The following KCNN2 variants were observed in gnomAD, a reference collection of about 807,000 sequenced individuals.
The protein encoded by KCNN2 is potassium calcium-activated channel subfamily N member 2, also known as small conductance calcium-activated potassium channel protein 2.
Under a neutral mutation model 55.5 loss-of-function variants are expected in KCNN2, and 24 were observed. The ratio of observed to expected loss-of-function variants is 0.43; its 90% CI spans 0.31 to 0.61. KCNN2 has a LOEUF of 0.61. KCNN2 is among the 20% of genes least tolerant of loss of function. KCNN2 has a pLI of 0.08. For missense variants in KCNN2, 754 were observed against 853.6 expected (o/e 0.88, Z 1.45); for synonymous variants, 431 against 336.1 (o/e 1.28, Z -3.09).
chr5:114,075,824 ATGT>A (rs1750675433), intron 1 of KCNN2, among the ~76,000 whole-genome samples: 1 of 152,114 alleles, frequency 6.6e-6, no homozygotes, highest in South Asian at 2.1e-4. Context: ...TGCTACTTCT[ATGT>A]TGAGAAGCCT....
intron 3 of KCNN2, among the ~76,000 whole-genome samples, chr5:114,407,189 A>G (rs934919620): frequency 6.6e-6 from 1 of 151,866 alleles, no homozygotes; most frequent in Admixed American, 6.6e-5. Context: ...ATGTCCTTCA[A>G]TTTTTGGAGA....
chr5:114,216,285 A>G (rs1232281489), intron 1 of KCNN2, among the ~76,000 whole-genome samples: 2 of 152,142 alleles, frequency 1.3e-5, no homozygotes, highest in African/African-American at 4.8e-5. Flanking sequence ...TTTACATTGG[A>G]CTAACGTAGA....
chr5:114,166,221 C>T (rs1411103334), intron 1 of KCNN2, among the ~76,000 whole-genome samples: 2 of 152,070 alleles, frequency 1.3e-5, no homozygotes, highest in Admixed American at 6.6e-5. Context: ...AATTCTCTTT[C>T]CCCTCTGTCT....
chr5:114,461,505 C>G (rs1736387153), intron 3 of KCNN2, among the ~76,000 whole-genome samples: 1 of 152,094 alleles, frequency 6.6e-6, no homozygotes, highest in African/African-American at 2.4e-5. Flanking sequence ...CTCACTCCAG[C>G]CCGGAGCCTG....
At chr5:114,258,321 C>G (rs2150003067) in intron 2 of KCNN2, among the ~76,000 whole-genome samples, 1 of 152,144 alleles carries the variant, frequency 6.6e-6, no homozygotes, top group Non-Finnish European at 1.5e-5. Flanking sequence ...TTAGTGTGTT[C>G]TTACCTGGCT....
At chr5:114,361,077 A>T (rs1186973194), upstream of KCNN2, 1 of 152,340 alleles carries the variant, frequency 6.6e-6, no homozygotes, top group African/African-American at 2.4e-5. Flanking sequence ...GGGCTGCCGG[A>T]GGGCCTGAGC....
At chr5:114,191,935 A>C (rs1933609186) in intron 1 of KCNN2, among the ~76,000 whole-genome samples, 1 of 152,162 alleles carries the variant, frequency 6.6e-6, no homozygotes, top group South Asian at 2.1e-4. Flanking sequence ...GTAAGAATGG[A>C]TCTCCCTTTC....
chr5:114,339,970 A>T (rs1756987731), intron 2 of KCNN2, among the ~76,000 whole-genome samples: 1 of 152,162 alleles, frequency 6.6e-6, no homozygotes, highest in African/African-American at 2.4e-5. Flanking sequence ...TTTCTCACTC[A>T]TCCTGCCACA....
intron 2 of KCNN2, among the ~76,000 whole-genome samples, chr5:114,298,363 A>T (rs944327347): frequency 6.6e-6 from 1 of 152,218 alleles, no homozygotes; most frequent in African/African-American, 2.4e-5. Context: ...CCACCAGGTC[A>T]TTCAGCAGCC....
intron 2 of KCNN2, among the ~76,000 whole-genome samples, chr5:114,242,907 C>A (rs1054293929): frequency 6.6e-6 from 1 of 152,052 alleles, no homozygotes; most frequent in Non-Finnish European, 1.5e-5. Flanking sequence ...GCCCAACATG[C>A]CTTGTTTGGG....
intron 4 of KCNN2, among the ~76,000 whole-genome samples, chr5:114,464,805 A>C (rs996391443): frequency 3.3e-5 from 4 of 122,792 alleles, no homozygotes; most frequent in African/African-American, 1.2e-4. Flanking sequence ...ATTATAGTGA[A>C]CTTTAAAAAA....
intron 1 of KCNN2, among the ~76,000 whole-genome samples, chr5:114,166,995 C>T (rs563150809): frequency 1.3e-5 from 2 of 152,292 alleles, no homozygotes; most frequent in East Asian, 3.9e-4. Context: ...TTAGACTTTC[C>T]AGCCTCCAGA....
chr5:114,163,173 G>A lies in KCNN2; in HGVS notation c.-270-58307G>A, dbSNP rs967587609. The stretch of plus-strand genomic sequence containing the variant: ...CCTGAAGTTGTTTCTTAAGCTGTTT[G>A]TTTAGGAATCTTTTGGGCTGAGATA... On this transcript the variant is annotated intron_variant, in intron 1 of 10. Transcript: ENST00000512097. Among the ~76,000 whole-genome samples the A allele has an allele frequency of 3.3e-5, 5 of 152,134 alleles. No homozygotes were observed. In the South Asian group the frequency reaches 1.0e-3, roughly 32 times the overall value.
At chr5:114,460,725 C>T (rs1205067760) in intron 3 of KCNN2, among the ~76,000 whole-genome samples, 1 of 152,172 alleles carries the variant, frequency 6.6e-6, no homozygotes, top group African/African-American at 2.4e-5. Context: ...ATTGTCCATG[C>T]ATTACAACAT....
intron 2 of KCNN2, among the ~76,000 whole-genome samples, chr5:114,279,834 C>T (rs1340117104): frequency 1.3e-5 from 2 of 152,044 alleles, no homozygotes; most frequent in African/African-American, 4.8e-5. Context: ...ATGGCTGGGC[C>T]AAATGGTATT....
chr5:114,420,305 T>C (rs1366202329), intron 3 of KCNN2, among the ~76,000 whole-genome samples: 1 of 152,226 alleles, frequency 6.6e-6, no homozygotes, highest in East Asian at 1.9e-4. Context: ...AACTGAGCTA[T>C]GCAAAAAGCA....
intron 4 of KCNN2, among the ~76,000 whole-genome samples, chr5:114,463,501 TCTC>T (rs1347911998): frequency 1.3e-5 from 2 of 152,316 alleles, no homozygotes; most frequent in Admixed American, 1.3e-4. Flanking sequence ...TGTCCTCCCA[TCTC>T]CTACTAGCTG....
At chr5:114,441,020 C>G (rs938890095) in intron 3 of KCNN2, among the ~76,000 whole-genome samples, 1 of 151,852 alleles carries the variant, frequency 6.6e-6, no homozygotes, top group Admixed American at 6.6e-5. Flanking sequence ...CAACTACTTA[C>G]CAAAATGAGT....
At chr5:114,311,733 A>G (rs1269150209) in intron 2 of KCNN2, among the ~76,000 whole-genome samples, 2 of 152,276 alleles carry the variant, frequency 1.3e-5, no homozygotes, top group East Asian at 3.9e-4. Context: ...GTCTTTCTGC[A>G]TAGATTAGAG....
Sources: gnomAD v4.1 joint callset for allele counts (sites outside exome capture counted in the v4.1 genomes callset) on GRCh38, gnomAD v4.1.1 for gene constraint, MANE v1.5 for transcripts, NCBI Gene and HGNC (gene_info 2026-07-23, HGNC 2026-07-21) for gene names.